Variants in PCDH15 observed in about 807,000 individuals in gnomAD.
PCDH15 encodes the protein protocadherin-15.
Under a neutral mutation model 178.5 loss-of-function variants are expected in PCDH15, and 129 were observed. The ratio of observed to expected loss-of-function variants is 0.72; its 90% CI spans 0.63 to 0.84. PCDH15 has a LOEUF of 0.84. Among genes scored for constraint, PCDH15 ranks in the 40% least tolerant of loss-of-function variants. PCDH15 has a pLI of 0.00. For missense variants in PCDH15, 2,230 were observed against 2,099.9 expected (o/e 1.06, Z -1.21); for synonymous variants, 800 against 732.0 (o/e 1.09, Z -1.50).
chr10:55,514,278 T>C (rs1378205519), intron 2 of PCDH15, among the ~76,000 whole-genome samples: 3 of 152,214 alleles, frequency 2.0e-5, no homozygotes, highest in East Asian at 3.9e-4. Context: ...TTGGAAACAA[T>C]ACAAAAAGTT....
At chr10:54,297,436 T>C (rs2059872613) in intron 8 of PCDH15, among the ~76,000 whole-genome samples, 1 of 152,098 alleles carries the variant, frequency 6.6e-6, no homozygotes, top group East Asian at 1.9e-4. Context: ...GGAAGGCAAA[T>C]GGAGTGAAAT....
At chr10:55,034,719 A>G (rs1457433790) in intron 2 of PCDH15, among the ~76,000 whole-genome samples, 3 of 152,214 alleles carry the variant, frequency 2.0e-5, no homozygotes, top group African/African-American at 7.2e-5. Flanking sequence ...AAACACAGTA[A>G]ACAGACATTC....
At chr10:55,379,950 A>G (rs1412432115) in intron 2 of PCDH15, among the ~76,000 whole-genome samples, 1 of 152,140 alleles carries the variant, frequency 6.6e-6, no homozygotes, top group African/African-American at 2.4e-5. Flanking sequence ...AGTAATACTA[A>G]CCAAAGAATA....
chr10:54,190,055 A>C (rs2048850718), intron 11 of PCDH15, among the ~76,000 whole-genome samples: 1 of 151,270 alleles, frequency 6.6e-6, no homozygotes, highest in East Asian at 2.0e-4. Flanking sequence ...GGCCCTTGGA[A>C]TTCTTTCTGA....
chr10:55,371,073 T>C (rs1845496942), intron 2 of PCDH15, among the ~76,000 whole-genome samples: 1 of 152,130 alleles, frequency 6.6e-6, no homozygotes. Flanking sequence ...AGTTTTAGCA[T>C]GGTTTCAAAT....
intron 2 of PCDH15, among the ~76,000 whole-genome samples, chr10:54,649,825 AG>A (rs1243434534): frequency 6.6e-6 from 1 of 152,166 alleles, no homozygotes; most frequent in African/African-American, 2.4e-5. Flanking sequence ...GTCATTGACC[AG>A]TGTCATATAA....
At chr10:53,934,823 A>C (rs1198377766) in intron 25 of PCDH15, among the ~76,000 whole-genome samples, 1 of 152,056 alleles carries the variant, frequency 6.6e-6, no homozygotes. Context: ...CTCCAGCATA[A>C]GTTCCAATAA....
At chr10:54,610,432 A>C (rs1373843247) in intron 2 of PCDH15, among the ~76,000 whole-genome samples, 1 of 151,908 alleles carries the variant, frequency 6.6e-6, no homozygotes, top group Non-Finnish European at 1.5e-5. Flanking sequence ...AACATAAGCA[A>C]AACTCAATTT....
chr10:55,337,400 T>G (rs974503641), intron 2 of PCDH15, among the ~76,000 whole-genome samples: 1 of 152,206 alleles, frequency 6.6e-6, no homozygotes, highest in Admixed American at 6.5e-5. Context: ...TTCATCAGTA[T>G]GCCTGATGTG....
intron 2 of PCDH15, among the ~76,000 whole-genome samples, chr10:55,159,918 T>C (rs1303275603): frequency 6.6e-6 from 1 of 151,578 alleles, no homozygotes; most frequent in African/African-American, 2.4e-5. Flanking sequence ...AATAAATATA[T>C]GAAGTAGTTT....
intron 2 of PCDH15, among the ~76,000 whole-genome samples, chr10:54,628,985 C>T (rs181657534): frequency 1.3e-5 from 2 of 152,146 alleles, no homozygotes; most frequent in East Asian, 3.9e-4. Context: ...AATACACACA[C>T]ACACACAATT....
chr10:54,255,895 C>T (rs547015589), intron 8 of PCDH15, among the ~76,000 whole-genome samples: 2 of 152,100 alleles, frequency 1.3e-5, no homozygotes, highest in Non-Finnish European at 2.9e-5. Context: ...GAGAAAAAGA[C>T]GCCTCAGCAT....
chr10:54,268,295 T>C (rs2132431898), intron 8 of PCDH15, among the ~76,000 whole-genome samples: 1 of 152,114 alleles, frequency 6.6e-6, no homozygotes, highest in Admixed American at 6.6e-5. Flanking sequence ...ATAAAAGACT[T>C]AAATGTAAAA....
At chr10:54,867,788 A>C (rs1283736171) in intron 3 of PCDH15, among the ~76,000 whole-genome samples, 1 of 152,116 alleles carries the variant, frequency 6.6e-6, no homozygotes, top group Non-Finnish European at 1.5e-5. Context: ...TGGCCCTCCA[A>C]TATCTATATA....
intron 21 of PCDH15, among the ~76,000 whole-genome samples, chr10:53,981,678 T>C (rs1483045191): frequency 6.7e-6 from 1 of 149,860 alleles, no homozygotes; most frequent in Non-Finnish European, 1.5e-5. Context: ...TCAAGATGGA[T>C]TAAAGACTTA....
rs940570921 is a variant in PCDH15 at position 55,611,334 on chromosome 10, T to TA, written c.-156+16290dup. Reference sequence around the variant, plus strand: ...ATAACAATAAAACAAATAACCCTGTTAAAAAAATGGGCAAAAGACCTGGAC... The same window carrying TA: ...ATAACAATAAAACAAATAACCCTGTTAAAAAAAATGGGCAAAAGACCTGGAC... On this transcript the variant is annotated intron_variant, in intron 2 of 5. Coordinates refer to the PCDH15 transcript ENST00000613346. Among the ~76,000 whole-genome samples the TA allele has an allele frequency of 2.0e-4, 31 of 152,014 alleles. 1 individual carries two copies. Among genetic ancestry groups the TA allele is most frequent in the African/African-American group, 5.1e-4 (21 of 41,506 alleles).
intron 13 of PCDH15, among the ~76,000 whole-genome samples, chr10:54,175,995 AGC>A (rs2047394565): frequency 6.6e-6 from 1 of 152,128 alleles, no homozygotes; most frequent in South Asian, 2.1e-4. Context: ...CCAATTTAAG[AGC>A]AGGAAGGGGT....
intron 23 of PCDH15, among the ~76,000 whole-genome samples, chr10:53,941,951 G>GCT (rs1324131421): frequency 6.6e-6 from 1 of 152,146 alleles, no homozygotes; most frequent in Non-Finnish European, 1.5e-5. Flanking sequence ...GTTCTTCCAA[G>GCT]CTACATTATG....
intron 3 of PCDH15, among the ~76,000 whole-genome samples, chr10:54,441,545 A>G (rs1321298739): frequency 1.3e-5 from 2 of 151,882 alleles, no homozygotes; most frequent in African/African-American, 2.4e-5. Flanking sequence ...TGACATTGCC[A>G]TTAATGATTC....
Sources: allele counts gnomAD v4.1 joint callset (sites outside exome capture counted in the v4.1 genomes callset), GRCh38; gene constraint gnomAD v4.1.1; transcripts MANE v1.5; gene names NCBI Gene and HGNC (gene_info 2026-07-23, HGNC 2026-07-21).